C20orf203: variants seen among roughly 807,000 people sequenced by gnomAD.
The protein encoded by C20orf203 is chromosome 20 open reading frame 203, also known as uncharacterized protein C20orf203.
In C20orf203, 16 loss-of-function variants were observed where a neutral mutation model predicts 15.9. The ratio of observed to expected loss-of-function variants is 1.01; its 90% CI spans 0.68 to 1.53. The LOEUF is 1.53. Ranked by LOEUF, C20orf203 falls within the 40% of genes most tolerant of loss-of-function variation. C20orf203 has a pLI of 0.00. For synonymous variants in C20orf203, 98 were observed against 97.2 expected (o/e 1.01, Z -0.05); for missense variants, 263 against 247.5 (o/e 1.06, Z -0.42).
At chr20:32,666,797 TTA>T (rs34933326) in intron 1 of C20orf203, among the ~76,000 whole-genome samples, 3,133 of 65,542 alleles carry the variant, frequency 0.048, 337 homozygotes, top group East Asian at 0.18. Context: ...TAATTTTAAT[TTA>T]TATATATATA....
chr20:32,671,747 G>A (rs1983171182), intron 1 of C20orf203, among the ~76,000 whole-genome samples: 2 of 150,000 alleles, frequency 1.3e-5, no homozygotes, highest in Non-Finnish European at 1.5e-5. Flanking sequence ...GCTGAGGCAG[G>A]AGAATTGCTT....
At chr20:32,673,085 ATC>A (rs757008081) in intron 1 of C20orf203, among the ~76,000 whole-genome samples, 4 of 152,146 alleles carry the variant, frequency 2.6e-5, no homozygotes, top group Non-Finnish European at 5.9e-5. Context: ...AGGGCTGGGC[ATC>A]TCTCTGTGTC....
chr20:32,650,619 C>T lies in C20orf203; in HGVS notation c.398G>A (p.Gly133Glu), dbSNP rs569772540. Reference protein sequence around the residue: ...GRGLRAPAGRGRAMGGMPRMG... With the variant: ...GRGLRAPAGRERAMGGMPRMG... Reference sequence around the variant, plus strand: ...TCTGGGCATCCCTCCCATTGCCCTCCCCCGCCCAGCAGGGGCCCGCAGCCC... The same window carrying T: ...TCTGGGCATCCCTCCCATTGCCCTCTCCCGCCCAGCAGGGGCCCGCAGCCC... Residue 133 changes from glycine (G) to glutamate (E), a missense_variant, in exon 4 of 6, where the codon GGG (glycine) becomes GAG (glutamate). Physicochemically the swap from Gly to Glu is moderately conservative, Grantham distance 98. Transcript: ENST00000608990. 3.9e-6 allele frequency: 6 copies of T among 1,548,082 alleles called. No individual in the cohort carries two copies. The South Asian group carries it at 4.8e-5, about 12-fold the overall frequency.
At chr20:32,672,344 A>T (rs1983192418) in intron 1 of C20orf203, among the ~76,000 whole-genome samples, 2 of 150,120 alleles carry the variant, frequency 1.3e-5, no homozygotes, top group Admixed American at 1.3e-4. Flanking sequence ...GTCTCAAAAA[A>T]ATAAAATAAA....
intron 1 of C20orf203, among the ~76,000 whole-genome samples, chr20:32,662,826 T>A (rs972376553): frequency 7.0e-6 from 1 of 143,678 alleles, no homozygotes; most frequent in African/African-American, 2.6e-5. Flanking sequence ...AAGGCCGCAC[T>A]GAGCTATGAT....
In C20orf203 at chr20:32,672,865, G is replaced by A. The variant is rs148974844; in HGVS notation, c.-264+767C>T. ...CAGGGCTGTGGGCTCCGGCAGCAGA[G>A]ACCTTTTCCTACTCCCTGTGCCCCT... On this transcript the variant is annotated intron_variant, in intron 1 of 5. Coordinates refer to ENST00000608990, the MANE Select transcript of C20orf203 (RefSeq NM_182584.4). Among the ~76,000 whole-genome samples, 240 of 152,284 alleles carry A rather than the reference G, an allele frequency of 1.6e-3. 1 individual carries two copies. Among genetic ancestry groups the A allele is most frequent in the Non-Finnish European group, 3.0e-3 (201 of 68,026 alleles).
At chr20:32,656,746 C>A (rs947774950) in intron 1 of C20orf203, 12 of 151,668 alleles carry the variant, frequency 7.9e-5, no homozygotes, top group African/African-American at 2.7e-4. Flanking sequence ...TACCTGTAGT[C>A]CCAGCTACTC....
intron 4 of C20orf203, among the ~76,000 whole-genome samples, chr20:32,644,801 A>C (rs965014474): frequency 1.2e-4 from 18 of 152,042 alleles, no homozygotes; most frequent in Admixed American, 2.6e-4. Context: ...AAGGGAGGAG[A>C]CTGACATTTA....
intron 4 of C20orf203, among the ~76,000 whole-genome samples, chr20:32,646,065 T>C (rs1982418343): frequency 6.6e-6 from 1 of 152,092 alleles, no homozygotes; most frequent in Non-Finnish European, 1.5e-5. Flanking sequence ...CTTGGGTGAG[T>C]CACTTAACCT....
At chr20:32,668,018 G>A (rs1460670936) in intron 1 of C20orf203, among the ~76,000 whole-genome samples, 1 of 152,064 alleles carries the variant, frequency 6.6e-6, no homozygotes, top group Non-Finnish European at 1.5e-5. Context: ...GTGGTCTCTG[G>A]GGCTAGCCCG....
intron 1 of C20orf203, among the ~76,000 whole-genome samples, chr20:32,660,344 G>T (rs1034156717): frequency 6.6e-6 from 1 of 152,198 alleles, no homozygotes; most frequent in East Asian, 1.9e-4. Flanking sequence ...AGCAACCAGG[G>T]TTTCAGGGGA....
chr20:32,668,590 C>A (rs1450375826), intron 1 of C20orf203, among the ~76,000 whole-genome samples: 3 of 151,072 alleles, frequency 2.0e-5, no homozygotes, highest in African/African-American at 7.3e-5. Context: ...TGAGCCACTG[C>A]ACTCCAGCCT....
At chr20:32,665,968 A>T (rs931972233) in intron 1 of C20orf203, among the ~76,000 whole-genome samples, 2 of 151,624 alleles carry the variant, frequency 1.3e-5, no homozygotes, top group African/African-American at 4.8e-5. Flanking sequence ...CACTTTTTTT[A>T]AAAGATGAAG....
chr20:32,644,063 C>A (rs958562814), intron 4 of C20orf203, among the ~76,000 whole-genome samples: 1 of 152,208 alleles, frequency 6.6e-6, no homozygotes, highest in Admixed American at 6.5e-5. Flanking sequence ...CCCTTTCTAC[C>A]CCGCACAGCT....
At chr20:32,654,137 A>C (rs949185523) in intron 1 of C20orf203, among the ~76,000 whole-genome samples, 1 of 152,098 alleles carries the variant, frequency 6.6e-6, no homozygotes, top group Admixed American at 6.6e-5. Flanking sequence ...TATAACTAAT[A>C]ATTGGGTTTG....
chr20:32,665,001 C>T (rs1025357579), intron 1 of C20orf203, among the ~76,000 whole-genome samples: 4 of 152,362 alleles, frequency 2.6e-5, no homozygotes, highest in Admixed American at 2.6e-4. Context: ...ATTCTGGCTG[C>T]ACTAGTGTTT....
intron 4 of C20orf203, among the ~76,000 whole-genome samples, chr20:32,643,099 C>T (rs763115499): frequency 3.9e-5 from 6 of 152,150 alleles, no homozygotes; most frequent in Admixed American, 1.3e-4. Context: ...AGGTGCACCT[C>T]GGCCCAGTGC....
chr20:32,653,921 T>C (rs751405510), intron 1 of C20orf203, among the ~76,000 whole-genome samples: 5 of 151,932 alleles, frequency 3.3e-5, no homozygotes, highest in Non-Finnish European at 5.9e-5. Flanking sequence ...GGCAAAACCA[T>C]GTCTCCACTA....
At position 32,651,028 on chromosome 20, in the gene C20orf203, A is replaced by G. The variant is rs1047660892; in HGVS notation, c.125T>C (p.Met42Thr). 1.8e-5 allele frequency: 27 copies of G among 1,501,758 alleles called. No individual in the cohort carries two copies. The highest frequency in any genetic ancestry group is 2.4e-5 in the Non-Finnish European group (27 of 1,122,094). The allele number at this position is 1,501,758 out of a possible 1,614,324, so 93.0% of individuals were successfully genotyped here. ...LASFPFTKTG[M>T]LSRATSVLAG... ...GACAGCACTTCTTACCCGGCTCAGCATTCCAGTTTTTGTAAAGGGAAAACT... is the reference window on the plus strand; with the variant it reads ...GACAGCACTTCTTACCCGGCTCAGCGTTCCAGTTTTTGTAAAGGGAAAACT... The change falls in exon 3 of 6, where the codon ATG (methionine) becomes ACG (threonine). Residue 42 changes from methionine to threonine, a missense_variant. Physicochemically the swap from Met to Thr is moderately conservative, Grantham distance 81 (BLOSUM62 -1). Transcript: ENST00000608990.
Sources: allele counts gnomAD v4.1 joint callset (sites outside exome capture counted in the v4.1 genomes callset), GRCh38; gene constraint gnomAD v4.1.1; transcripts MANE v1.5; gene names NCBI Gene and HGNC (gene_info 2026-07-23, HGNC 2026-07-21).